The following TMEM65 variants were observed in gnomAD, a reference collection of about 807,000 sequenced individuals.
TMEM65 encodes the protein transmembrane protein 65.
Under a neutral mutation model 25.4 loss-of-function variants are expected in TMEM65, and 22 were observed. The observed-to-expected ratio is 0.86, with a 90% confidence interval of 0.62 to 1.23. TMEM65 has a LOEUF of 1.23. Among genes scored for constraint, TMEM65 ranks in the 50% most tolerant of loss-of-function variants. The pLI is 0.00. For missense variants in TMEM65, 262 were observed against 308.2 expected, an observed-to-expected ratio of 0.85 and a Z score of 1.12; for synonymous variants, 132 against 126.2, an observed-to-expected ratio of 1.05 and a Z score of -0.31.
chr8:124,352,815 G>A (rs1327258832), intron 1 of TMEM65, among the ~76,000 whole-genome samples: 1 of 152,014 alleles, frequency 6.6e-6, no homozygotes, highest in Non-Finnish European at 1.5e-5. Context: ...CAGGCAGGTT[G>A]GTCTGGTATA....
Position 124,313,804 on chromosome 8 carries a change from G to T in TMEM65, c.*156C>A. 1.7e-6 allele frequency: 1 copy of T among 594,636 alleles called. No individual in the cohort carries two copies. The highest frequency in any genetic ancestry group is 3.0e-6 in the Non-Finnish European group (1 of 338,560). 36.8% of individuals were successfully genotyped at this position (594,636 alleles called of 1,614,324 possible). Reference sequence around the variant, plus strand: ...CTTTTTAAAAAAGATGTCCTAAGAAGATCAAGCCACAATAAGTTAGTGTTT... The same window carrying T: ...CTTTTTAAAAAAGATGTCCTAAGAATATCAAGCCACAATAAGTTAGTGTTT... On this transcript the variant is annotated 3_prime_UTR_variant, in exon 7 of 7. Transcript: ENST00000297632.
intron 1 of TMEM65, among the ~76,000 whole-genome samples, chr8:124,363,697 C>A (rs536658406): frequency 6.6e-6 from 1 of 151,494 alleles, no homozygotes; most frequent in Non-Finnish European, 1.5e-5. Flanking sequence ...ATTAGCCGGG[C>A]GTAGTGGCGG....
rs191969729 is a variant in TMEM65 at position 124,347,311 on chromosome 8, C to T, written c.305-16519G>A. 9.5e-3 allele frequency among the ~76,000 whole-genome samples: 1,445 copies of T among 152,140 alleles called. 31 individuals are homozygous for T. The highest frequency in any genetic ancestry group is 0.017 in the Middle Eastern group (5 of 294). The stretch of plus-strand genomic sequence containing the variant: ...CGTAAAACCCATAAAGGCATTTGAG[C>T]GTAATCTTGTAATTTTATTTAGCAT... On this transcript the variant is annotated intron_variant, in intron 1 of 6. Coordinates refer to ENST00000297632, the MANE Select transcript of TMEM65 (RefSeq NM_194291.3).
rs1330662393 is a variant in TMEM65 at position 124,308,567 on chromosome 8, T to C, written c.*5393A>G. 6.6e-6 allele frequency: 1 copy of C among 151,508 alleles called. No individual in the cohort carries two copies. Among genetic ancestry groups the C allele is most frequent in the African/African-American group, 2.4e-5 (1 of 41,146 alleles). The allele number at this position is 151,508 out of a possible 1,614,324, so 9.4% of individuals were successfully genotyped here. A position where few individuals can be genotyped will look rare whatever the true frequency, so the allele number is the denominator to read the frequency against. ...CCAATCAAGAAAATCATGAAAGAGG[T>C]TGTAGATATGTCAAATTAAATAAAT... On this transcript the variant is annotated 3_prime_UTR_variant, in exon 7 of 7. Transcript: ENST00000297632.
At chr8:124,361,038 A>G (rs1489394287) in intron 1 of TMEM65, among the ~76,000 whole-genome samples, 5 of 152,266 alleles carry the variant, frequency 3.3e-5, no homozygotes, top group Non-Finnish European at 2.9e-5. Flanking sequence ...TTGAGAAAAC[A>G]TCTTTCTAAA....
At chr8:124,315,134 T>C (rs779343167) in intron 6 of TMEM65, among the ~76,000 whole-genome samples, 4 of 152,222 alleles carry the variant, frequency 2.6e-5, no homozygotes, top group African/African-American at 7.2e-5. Context: ...GGGTGTACCA[T>C]GGAGATGGAC....
chr8:124,328,855 T>G (rs955247582), intron 2 of TMEM65, among the ~76,000 whole-genome samples: 1 of 151,990 alleles, frequency 6.6e-6, no homozygotes, highest in Non-Finnish European at 1.5e-5. Context: ...AATCCAGAAG[T>G]TATAAAAATT....
Position 124,311,014 on chromosome 8 carries a change from G to C in TMEM65, c.*2946C>G, listed in dbSNP as rs1256016908. 2 of 152,044 alleles carry C rather than the reference G, an allele frequency of 1.3e-5. No homozygotes were observed. The highest frequency in any genetic ancestry group is 4.8e-5 in the African/African-American group (2 of 41,398). The allele number at this position is 152,044 out of a possible 1,614,324, so 9.4% of individuals were successfully genotyped here. A position where few individuals can be genotyped will look rare whatever the true frequency, so the allele number is the denominator to read the frequency against. ...AATTAGAAAGATTTACTTCAAAATGGCTCATACAAACTTTTGGTATAAAAG... is the reference window on the plus strand; with the variant it reads ...AATTAGAAAGATTTACTTCAAAATGCCTCATACAAACTTTTGGTATAAAAG... On this transcript the variant is annotated 3_prime_UTR_variant, in exon 7 of 7. Transcript: ENST00000297632.
At chr8:124,322,994 C>CTAAATAAA (rs199541134) in intron 4 of TMEM65, among the ~76,000 whole-genome samples, 3,478 of 149,790 alleles carry the variant, frequency 0.023, 166 homozygotes, top group African/African-American at 0.078. Flanking sequence ...GACCCCGTCT[C>CTAAATAAA]TAAATAAATA....
chr8:124,332,957 C>T (rs955039799), intron 1 of TMEM65, among the ~76,000 whole-genome samples: 9 of 151,892 alleles, frequency 5.9e-5, no homozygotes, highest in Non-Finnish European at 1.0e-4. Flanking sequence ...AGGTGTGTGC[C>T]ACCACACCTG....
chr8:124,320,612 A>G (rs773061218), intron 5 of TMEM65, among the ~76,000 whole-genome samples: 8 of 152,314 alleles, frequency 5.3e-5, no homozygotes, highest in Non-Finnish European at 1.0e-4. Context: ...TTAGTAACTT[A>G]TCAGACAGCA....
intron 1 of TMEM65, among the ~76,000 whole-genome samples, chr8:124,333,431 T>C (rs1253221280): frequency 1.3e-5 from 2 of 151,722 alleles, no homozygotes; most frequent in African/African-American, 4.8e-5. Flanking sequence ...AAATCAACTA[T>C]GGAGTTAAAA....
At chr8:124,348,317 C>G (rs1814664650) in intron 1 of TMEM65, among the ~76,000 whole-genome samples, 1 of 151,852 alleles carries the variant, frequency 6.6e-6, no homozygotes, top group East Asian at 1.9e-4. Flanking sequence ...TACTACTGAC[C>G]TGTAGTTTCA....
chr8:124,352,054 T>C (rs1190502245), intron 1 of TMEM65, among the ~76,000 whole-genome samples: 1 of 152,214 alleles, frequency 6.6e-6, no homozygotes, highest in Non-Finnish European at 1.5e-5. Flanking sequence ...GACAGACATA[T>C]AGTAACCAAT....
intron 1 of TMEM65, among the ~76,000 whole-genome samples, chr8:124,370,216 A>G (rs771135176): frequency 3.3e-5 from 5 of 152,224 alleles, no homozygotes; most frequent in African/African-American, 4.8e-5. Context: ...AAAATTATTC[A>G]GTCACCTTGC....
intron 1 of TMEM65, among the ~76,000 whole-genome samples, chr8:124,340,842 T>C (rs149311704): frequency 5.0e-4 from 76 of 152,244 alleles, no homozygotes; most frequent in African/African-American, 1.6e-3. Flanking sequence ...CCAAAGAAGA[T>C]AGATAACATT....
At chr8:124,339,248 TA>T (rs1554589661) in intron 1 of TMEM65, among the ~76,000 whole-genome samples, 1 of 104,662 alleles carries the variant, frequency 9.6e-6, no homozygotes, top group Non-Finnish European at 1.8e-5. Flanking sequence ...TATATATATA[TA>T]AAATATTCTT....
intron 1 of TMEM65, among the ~76,000 whole-genome samples, chr8:124,340,735 G>T (rs529368691): frequency 1.5e-4 from 23 of 152,082 alleles, no homozygotes; most frequent in Admixed American, 6.6e-4. Flanking sequence ...CCATGTGAAC[G>T]ATGTCTTCCC....
chr8:124,361,920 C>T (rs111527746), intron 1 of TMEM65, among the ~76,000 whole-genome samples: 53 of 152,068 alleles, frequency 3.5e-4, no homozygotes, highest in African/African-American at 1.3e-3. Context: ...GATGGAGTTT[C>T]GCTCTTATAG....
Sources: allele counts gnomAD v4.1 joint callset (sites outside exome capture counted in the v4.1 genomes callset), GRCh38; gene constraint gnomAD v4.1.1; transcripts MANE v1.5; gene names NCBI Gene and HGNC (gene_info 2026-07-23, HGNC 2026-07-21).